The following GATC variants were observed in gnomAD, a reference collection of about 807,000 sequenced individuals.
The protein encoded by GATC is glutamyl-tRNA amidotransferase subunit C.
Under a neutral mutation model 14.4 loss-of-function variants are expected in GATC, and 11 were observed. The ratio of observed to expected loss-of-function variants is 0.77; its 90% confidence interval spans 0.48 to 1.27. GATC has a LOEUF of 1.27. Ranked by LOEUF, GATC falls within the 50% of genes most tolerant of loss-of-function variation. The probability of loss-of-function intolerance (pLI) is 0.00; values close to 1 mark genes in which losing one functional copy is unlikely to be tolerated. For synonymous variants in GATC, 76 were observed against 79.3 expected (o/e 0.96, Z 0.22); for missense variants, 204 against 183.0 (o/e 1.11, Z -0.66).
chr12:120,461,986 T>C lies in GATC; in HGVS notation c.*2027T>C, dbSNP rs1388963430. 7 of 1,578,496 alleles carry C rather than the reference T, an allele frequency of 4.4e-6. No individual in the cohort carries two copies. In the Middle Eastern group the frequency reaches 9.3e-4, roughly 209 times the overall value. On this transcript the variant is annotated 3_prime_UTR_variant, in exon 4 of 4. Transcript: ENST00000551765. Reference sequence around the variant, plus strand: ...TGAGCACAAAGCAGCTCAGTTAACCTAAAAAATAAAGAAAAAATTCCCATC... The same window carrying C: ...TGAGCACAAAGCAGCTCAGTTAACCCAAAAAATAAAGAAAAAATTCCCATC...
chr12:120,452,862 C>T (rs1004280866), intron 2 of GATC, among the ~76,000 whole-genome samples: 1 of 151,714 alleles, frequency 6.6e-6, no homozygotes, highest in Non-Finnish European at 1.5e-5. Context: ...CCCTGGCTAA[C>T]TTTTGTATTT....
chr12:120,453,221 C>T lies in GATC; in HGVS notation c.255-3855C>T, dbSNP rs181512582. 2.4e-4 allele frequency among the ~76,000 whole-genome samples: 37 copies of T among 152,304 alleles called. No homozygotes were observed. In the East Asian group the frequency reaches 4.6e-3, roughly 19 times the overall value. ...GAATCACAAATGGAGCCACTTTGTC[C>T]TCCCTGTTGCCACAGCACTTTCCAA... On this transcript the variant is annotated intron_variant, in intron 2 of 3. Coordinates refer to ENST00000551765, the MANE Select transcript of GATC (RefSeq NM_176818.3).
intron 2 of GATC, chr12:120,450,463 A>G (rs960211310): frequency 6.6e-6 from 1 of 152,282 alleles, no homozygotes; most frequent in African/African-American, 2.4e-5. Context: ...CTGACTGTAG[A>G]TTTGTGAAAG....
intron 2 of GATC, among the ~76,000 whole-genome samples, chr12:120,452,196 C>A (rs1016737007): frequency 4.0e-5 from 6 of 151,724 alleles, no homozygotes; most frequent in Non-Finnish European, 7.4e-5. Context: ...TCAATTTTCA[C>A]ATGCAGTCCT....
Position 120,446,707 on chromosome 12 carries a change from G to T in GATC, c.132G>T (p.Ala44=). The T allele has an allele frequency of 6.2e-7, 1 of 1,613,870 alleles. No homozygotes were observed. Among genetic ancestry groups the T allele is most frequent in the Non-Finnish European group, 8.5e-7 (1 of 1,180,008 alleles). ...TGATCGAGCACCTGGAGCGTCTAGC[G>T]CTTGTGGACTTCGGCAGCCGCGAGG... ...AAVIEHLERL[A]LVDFGSREAV... Residue 44 remains alanine, a synonymous_variant, in exon 2 of 4, where the codon GCG becomes GCT. Coordinates refer to ENST00000551765, the MANE Select transcript of GATC (RefSeq NM_176818.3).
At chr12:120,452,066 G>A (rs1329336397) in intron 2 of GATC, among the ~76,000 whole-genome samples, 2 of 151,156 alleles carry the variant, frequency 1.3e-5, no homozygotes, top group Non-Finnish European at 2.9e-5. Flanking sequence ...TAGTAGAGAC[G>A]GGGTTTCACC....
chr12:120,460,200 C>A lies in GATC; in HGVS notation c.*241C>A. 1 of 453,986 alleles carries A rather than the reference C, an allele frequency of 2.2e-6. No homozygotes were observed. Among genetic ancestry groups the A allele is most frequent in the Non-Finnish European group, 4.1e-6 (1 of 243,190 alleles). The allele number at this position is 453,986 out of a possible 1,614,324, so 28.1% of individuals were successfully genotyped here. A position where few individuals can be genotyped will look rare whatever the true frequency, so the allele number is the denominator to read the frequency against. The stretch of plus-strand genomic sequence containing the variant: ...AGCAAAAGTCAGCTTCCAAGGAATT[C>A]ACTTAACAGGCCTGTTCAGTATGGA... On this transcript the variant is annotated 3_prime_UTR_variant, in exon 4 of 4. Transcript: ENST00000551765.
In GATC at chr12:120,463,359, G is replaced by A. The variant is rs993357340; in HGVS notation, c.*3400G>A. 1 of 151,988 alleles carries A rather than the reference G, an allele frequency of 6.6e-6. No homozygotes were observed. The highest frequency in any genetic ancestry group is 1.5e-5 in the Non-Finnish European group (1 of 68,044). 9.4% of individuals were successfully genotyped at this position (151,988 alleles called of 1,614,324 possible). On this transcript the variant is annotated 3_prime_UTR_variant, in exon 4 of 4. Transcript: ENST00000551765. ...GAGGTGGGAGGACTGCTTGGGCCCA[G>A]GAGTTCAAGGTCAGCCTCGGCAATA... is the stretch of plus-strand genomic sequence containing the variant.
intron 2 of GATC, 63 bp from the exon 3 acceptor site, chr12:120,457,013 C>G: frequency 9.6e-7 from 1 of 1,044,344 alleles, no homozygotes; most frequent in Non-Finnish European, 1.5e-6. Flanking sequence ...TCTTGCCCCT[C>G]TCCATCATCC....
chr12:120,449,026 G>A (rs1223749107), intron 2 of GATC, among the ~76,000 whole-genome samples: 1 of 149,618 alleles, frequency 6.7e-6, no homozygotes, highest in Non-Finnish European at 1.5e-5. Flanking sequence ...GCAGTGGCGT[G>A]ATCTTGGCTC....
intron 2 of GATC, among the ~76,000 whole-genome samples, chr12:120,453,941 A>G (rs116538399): frequency 0.019 from 2,848 of 152,232 alleles, 90 homozygotes; most frequent in African/African-American, 0.065. Flanking sequence ...ATGTATGTAC[A>G]TACATACATA....
intron 2 of GATC, among the ~76,000 whole-genome samples, chr12:120,451,518 G>A (rs929043279): frequency 4.0e-5 from 6 of 151,866 alleles, no homozygotes; most frequent in Non-Finnish European, 8.8e-5. Flanking sequence ...GAGGCAGGTG[G>A]ATCACCTGAG....
intron 2 of GATC, among the ~76,000 whole-genome samples, chr12:120,447,256 T>C (rs1392781084): frequency 6.6e-6 from 1 of 152,054 alleles, no homozygotes; most frequent in East Asian, 1.9e-4. Context: ...TTTTTGTATT[T>C]TTAGTAGAGA....
Position 120,463,055 on chromosome 12 carries a change from G to A in GATC, c.*3096G>A, listed in dbSNP as rs1385444700. On this transcript the variant is annotated 3_prime_UTR_variant, in exon 4 of 4. Transcript: ENST00000551765. ...ATCCTCAGAAAAAGAAATGAGCCCA[G>A]AGACCTGTGTCCCCAAACATCCGTA... The A allele has an allele frequency of 3.9e-5, 6 of 152,174 alleles. No homozygotes were observed. Among genetic ancestry groups the A allele is most frequent in the African/African-American group, 1.4e-4 (6 of 41,440 alleles). The allele number at this position is 152,174 out of a possible 1,614,324, so 9.4% of individuals were successfully genotyped here.
At chr12:120,447,794 C>G (rs1046620472) in intron 2 of GATC, among the ~76,000 whole-genome samples, 1 of 152,148 alleles carries the variant, frequency 6.6e-6, no homozygotes, top group African/African-American at 2.4e-5. Context: ...CTCACTCTAT[C>G]ACCCAGGTTA....
At chr12:120,454,901 T>C (rs1028821821) in intron 2 of GATC, 6 of 340,290 alleles carry the variant, frequency 1.8e-5, no homozygotes, top group Non-Finnish European at 3.7e-5. Context: ...TGTGTGTGTG[T>C]GTGTGAGACA....
Position 120,460,284 on chromosome 12 carries a change from G to A in GATC, c.*325G>A, listed in dbSNP as rs1592988767. The A allele has an allele frequency of 5.1e-6, 1 of 197,036 alleles. No individual in the cohort carries two copies. The highest frequency in any genetic ancestry group is 2.4e-5 in the African/African-American group (1 of 42,552). The allele number at this position is 197,036 out of a possible 1,614,324, so 12.2% of individuals were successfully genotyped here. On this transcript the variant is annotated 3_prime_UTR_variant, in exon 4 of 4. Coordinates refer to ENST00000551765, the MANE Select transcript of GATC (RefSeq NM_176818.3). ...AGGACCATACCAACTGCATGAAAGT[G>A]AACTTTTCTATCTACGTAACTGGTA...
chr12:120,453,161 G>A (rs892876088), intron 2 of GATC, among the ~76,000 whole-genome samples: 2 of 152,148 alleles, frequency 1.3e-5, no homozygotes, highest in Non-Finnish European at 2.9e-5. Flanking sequence ...AAAGCAGTGG[G>A]AGAACGGTCC....
At chr12:120,456,181 C>T (rs184975213) in intron 2 of GATC, among the ~76,000 whole-genome samples, 8 of 152,288 alleles carry the variant, frequency 5.3e-5, no homozygotes, top group Admixed American at 4.6e-4. Context: ...TATCTGGAAG[C>T]AGGCTTACAC....
Sources: gnomAD v4.1 joint callset for allele counts (sites outside exome capture counted in the v4.1 genomes callset) on GRCh38, gnomAD v4.1.1 for gene constraint, MANE v1.5 for transcripts, NCBI Gene and HGNC (gene_info 2026-07-23, HGNC 2026-07-21) for gene names.